Variants in BLTP3A observed in about 807,000 individuals in gnomAD.
The protein encoded by BLTP3A is bridge-like lipid transfer protein family member 3A, also known as ICBP90 binding protein 1.
the BLTP3A span, among the ~76,000 whole-genome samples, chr6:34,828,676 C>T: frequency 2.0e-5 from 3 of 151,894 alleles, no homozygotes; most frequent in Non-Finnish European, 4.4e-5. Flanking sequence ...GTTCATAAGT[C>T]ACTTCATATT....
chr6:34,831,668 A>G, the BLTP3A span, among the ~76,000 whole-genome samples: 2 of 152,176 alleles, frequency 1.3e-5, no homozygotes, highest in Non-Finnish European at 2.9e-5. Flanking sequence ...TGATGAAGGT[A>G]GGCATCAATA....
the BLTP3A span, chr6:34,834,837 G>T: frequency 2.5e-6 from 4 of 1,614,026 alleles, no homozygotes; most frequent in Non-Finnish European, 3.4e-6. Context: ...ACCAAGGCAG[G>T]ATCCAAATAG....
chr6:34,829,579 C>T, the BLTP3A span, among the ~76,000 whole-genome samples: 2 of 152,180 alleles, frequency 1.3e-5, no homozygotes, highest in Middle Eastern at 3.4e-3. Context: ...TATACCATTC[C>T]ATTACCTGAA....
At chr6:34,832,460 G>C in the BLTP3A span, among the ~76,000 whole-genome samples, 2 of 151,148 alleles carry the variant, frequency 1.3e-5, no homozygotes, top group East Asian at 3.9e-4. Context: ...TTCTGAGACA[G>C]GGTCTGACTC....
At chr6:34,857,293 G>C in the BLTP3A span, 1 of 1,612,520 alleles carries the variant, frequency 6.2e-7, no homozygotes, top group South Asian at 1.1e-5. Flanking sequence ...CTCTAAGTTT[G>C]ATTGTTGATA....
chr6:34,836,034 T>A, the BLTP3A span: 1 of 1,276,714 alleles, frequency 7.8e-7, no homozygotes, highest in Non-Finnish European at 1.1e-6. Flanking sequence ...CCAACAGTTG[T>A]GAGAGGGAAG....
At chr6:34,834,865 A>G in the BLTP3A span, 1 of 1,612,738 alleles carries the variant, frequency 6.2e-7, no homozygotes, top group South Asian at 1.1e-5. Context: ...AAGAAGAGTA[A>G]GTGTGTTCTC....
chr6:34,825,856 G>C, the BLTP3A span, among the ~76,000 whole-genome samples: 1 of 152,064 alleles, frequency 6.6e-6, no homozygotes, highest in Non-Finnish European at 1.5e-5. Flanking sequence ...TGACTATTAT[G>C]AATAATGCTG....
chr6:34,870,951 C>T, the BLTP3A span: 2 of 1,614,142 alleles, frequency 1.2e-6, no homozygotes, highest in Non-Finnish European at 1.7e-6. Flanking sequence ...CTGTTCATTC[C>T]CCCCTGGCCT....
the BLTP3A span, among the ~76,000 whole-genome samples, chr6:34,862,495 C>A: frequency 1.3e-5 from 2 of 152,070 alleles, no homozygotes; most frequent in Non-Finnish European, 2.9e-5. Context: ...TTGTAACAGT[C>A]TGTGCTTCTT....
the BLTP3A span, among the ~76,000 whole-genome samples, chr6:34,805,617 G>C: frequency 7.0e-6 from 1 of 143,454 alleles, no homozygotes; most frequent in Non-Finnish European, 1.5e-5. Context: ...AAAAAGATAA[G>C]CTGGGTGTGG....
chr6:34,867,157 G>A, the BLTP3A span: 8 of 1,479,880 alleles, frequency 5.4e-6, no homozygotes. Context: ...AGTTGTCATT[G>A]TTTGTAGAGG....
chr6:34,834,555 A>G, the BLTP3A span: 19 of 1,362,968 alleles, frequency 1.4e-5, no homozygotes, highest in African/African-American at 2.3e-4. Flanking sequence ...TGTTACTGCT[A>G]CATCCTTTCC....
chr6:34,802,595 AG>A, the BLTP3A span, among the ~76,000 whole-genome samples: 38 of 152,100 alleles, frequency 2.5e-4, no homozygotes, highest in Admixed American at 7.9e-4. Flanking sequence ...TCCTGACCTC[AG>A]GTGATCCGCC....
At chr6:34,799,895 G>A in the BLTP3A span, among the ~76,000 whole-genome samples, 5 of 152,070 alleles carry the variant, frequency 3.3e-5, no homozygotes, top group South Asian at 4.2e-4. Flanking sequence ...TTAGTTTTTG[G>A]AGATAGTACT....
chr6:34,794,969 A>T, the BLTP3A span, among the ~76,000 whole-genome samples: 1 of 151,288 alleles, frequency 6.6e-6, no homozygotes, highest in Non-Finnish European at 1.5e-5. Flanking sequence ...TTTGTATTTT[A>T]GTAGAGATGG....
the BLTP3A span, chr6:34,871,561 T>C: frequency 8.1e-6 from 13 of 1,606,776 alleles, no homozygotes; most frequent in Non-Finnish European, 1.1e-5. Context: ...GGGGGCATCA[T>C]GTGGTTTCTC....
the BLTP3A span, among the ~76,000 whole-genome samples, chr6:34,855,071 A>G: frequency 1.3e-5 from 2 of 152,164 alleles, no homozygotes; most frequent in South Asian, 2.1e-4. Context: ...ATAATATTCT[A>G]TGTGTTTATT....
chr6:34,875,102 G>C, the BLTP3A span: 4 of 152,614 alleles, frequency 2.6e-5, no homozygotes, highest in African/African-American at 9.7e-5. Flanking sequence ...AATGTAAGGA[G>C]CTCATTGTCT....
Sources: allele counts gnomAD v4.1 joint callset (sites outside exome capture counted in the v4.1 genomes callset), GRCh38; gene constraint gnomAD v4.1.1; transcripts MANE v1.5; gene names NCBI Gene and HGNC (gene_info 2026-07-23, HGNC 2026-07-21).